SNTG1: variants seen among roughly 807,000 people sequenced by gnomAD.
The protein encoded by SNTG1 is syntrophin gamma 1.
SNTG1 carries 39 observed loss-of-function variants against 74.7 expected under a neutral mutation model. The ratio of observed to expected loss-of-function variants is 0.52; its 90% CI spans 0.40 to 0.68. The LOEUF is 0.68. Ranked by LOEUF, SNTG1 falls within the 30% of genes least tolerant of loss-of-function variation. SNTG1 has a pLI of 0.00. For missense variants in SNTG1, 685 were observed against 609.5 expected (o/e 1.12, Z -1.30); for synonymous variants, 254 against 217.1 (o/e 1.17, Z -1.49).
Position 50,503,775 on chromosome 8 carries a change from T to A in SNTG1, c.466+895T>A, listed in dbSNP as rs531983587. On this transcript the variant is annotated intron_variant, in intron 9 of 18. Transcript: ENST00000642720. ...TGAATGTACTACATTTATTAATGCA[T>A]CTTTCTGTTGAAGATACCAGCACTG... is the stretch of plus-strand genomic sequence containing the variant. Among the ~76,000 whole-genome samples, 3 of 152,342 alleles carry A rather than the reference T, an allele frequency of 2.0e-5. No individual in the cohort carries two copies. The South Asian group carries it at 6.2e-4, about 32-fold the overall frequency.
intron 1 of SNTG1, among the ~76,000 whole-genome samples, chr8:49,925,268 G>T (rs1003426781): frequency 2.0e-5 from 3 of 152,092 alleles, no homozygotes; most frequent in South Asian, 4.1e-4. Flanking sequence ...CTGAAAGAAG[G>T]TTGCAGACAT....
intron 8 of SNTG1, among the ~76,000 whole-genome samples, chr8:50,488,786 T>A (rs987797884): frequency 6.6e-6 from 1 of 152,208 alleles, no homozygotes; most frequent in African/African-American, 2.4e-5. Context: ...ATGTAGTCTT[T>A]TTTTATTACA....
intron 12 of SNTG1, among the ~76,000 whole-genome samples, chr8:50,584,807 A>G (rs2094636582): frequency 1.3e-5 from 2 of 152,140 alleles, no homozygotes; most frequent in African/African-American, 4.8e-5. Flanking sequence ...TCTGGCACCG[A>G]CCACAACTGT....
intron 16 of SNTG1, among the ~76,000 whole-genome samples, chr8:50,705,392 A>G (rs906555113): frequency 6.6e-6 from 1 of 152,232 alleles, no homozygotes; most frequent in African/African-American, 2.4e-5. Flanking sequence ...AAGCAATTAC[A>G]TTTTTACATG....
intron 2 of SNTG1, among the ~76,000 whole-genome samples, chr8:50,179,024 TAA>T (rs760021235): frequency 6.6e-6 from 1 of 152,198 alleles, no homozygotes; most frequent in Non-Finnish European, 1.5e-5. Context: ...GTGTGTTGTA[TAA>T]GAGTCCAGTT....
At chr8:50,353,652 G>A (rs898854768) in intron 2 of SNTG1, among the ~76,000 whole-genome samples, 2 of 152,112 alleles carry the variant, frequency 1.3e-5, no homozygotes, top group Non-Finnish European at 2.9e-5. Context: ...TTTGAGCTAC[G>A]TTGAGCCTGT....
intron 2 of SNTG1, among the ~76,000 whole-genome samples, chr8:50,353,242 C>T (rs936807364): frequency 9.3e-6 from 1 of 107,740 alleles, no homozygotes; most frequent in Non-Finnish European, 1.7e-5. Context: ...ACATCACACA[C>T]TGGGGCCTGT....
chr8:50,602,818 A>G (rs1053188814), intron 13 of SNTG1, among the ~76,000 whole-genome samples: 3 of 151,836 alleles, frequency 2.0e-5, no homozygotes, highest in African/African-American at 7.3e-5. Context: ...CGCTTTAAAC[A>G]TGCTGTGCTA....
intron 2 of SNTG1, among the ~76,000 whole-genome samples, chr8:50,175,802 T>C (rs1339937715): frequency 1.3e-5 from 2 of 152,214 alleles, no homozygotes; most frequent in Non-Finnish European, 2.9e-5. Context: ...AATATTTTGT[T>C]ATTTTTTAAA....
intron 9 of SNTG1, 22 bp from the exon 10 acceptor site, chr8:50,530,155 G>C (rs755412122): frequency 1.2e-6 from 2 of 1,608,182 alleles, no homozygotes; most frequent in East Asian, 4.5e-5. Context: ...CCAGTGGAAT[G>C]TTATGATTTT....
At chr8:50,505,226 C>G (rs1249332152) in intron 9 of SNTG1, among the ~76,000 whole-genome samples, 2 of 152,096 alleles carry the variant, frequency 1.3e-5, no homozygotes, top group African/African-American at 4.8e-5. Flanking sequence ...ATTCTTTATT[C>G]AGCCCTCAAA....
At chr8:50,017,652 T>C (rs995539375) in intron 1 of SNTG1, among the ~76,000 whole-genome samples, 4 of 151,694 alleles carry the variant, frequency 2.6e-5, no homozygotes, top group Non-Finnish European at 5.9e-5. Flanking sequence ...TAAGATAAAA[T>C]GTTATAAGAG....
intron 1 of SNTG1, among the ~76,000 whole-genome samples, chr8:49,934,256 T>C (rs2129361254): frequency 6.6e-6 from 1 of 152,068 alleles, no homozygotes; most frequent in Admixed American, 6.6e-5. Flanking sequence ...CATGATCACC[T>C]CTCCTGGTCA....
At chr8:50,146,727 T>A (rs563886802) in intron 1 of SNTG1, among the ~76,000 whole-genome samples, 34 of 152,222 alleles carry the variant, frequency 2.2e-4, no homozygotes, top group Non-Finnish European at 4.8e-4. Context: ...AGAGTTTTGT[T>A]TAATTTTAGA....
chr8:50,222,731 C>T (rs865780316), intron 2 of SNTG1, among the ~76,000 whole-genome samples: 10 of 152,228 alleles, frequency 6.6e-5, no homozygotes, highest in Middle Eastern at 6.8e-3. Flanking sequence ...CAGACAGACC[C>T]TCAGCGGGGA....
chr8:49,915,569 G>A (rs192815989), intron 1 of SNTG1, among the ~76,000 whole-genome samples: 3 of 152,204 alleles, frequency 2.0e-5, no homozygotes, highest in Admixed American at 1.3e-4. Flanking sequence ...TATATCAATT[G>A]GACAAACTTA....
chr8:50,284,992 C>A (rs564867464), intron 2 of SNTG1, among the ~76,000 whole-genome samples: 131 of 152,106 alleles, frequency 8.6e-4, no homozygotes, highest in Middle Eastern at 3.4e-3. Flanking sequence ...TTCAGATGGG[C>A]AAGTTCTCCT....
chr8:50,198,233 A>G (rs1001668270), intron 2 of SNTG1, among the ~76,000 whole-genome samples: 15 of 152,162 alleles, frequency 9.9e-5, no homozygotes, highest in Non-Finnish European at 1.2e-4. Context: ...TCCAGCTGGG[A>G]GAAAGCAGTC....
chr8:50,607,026 TG>T (rs1421587545), intron 13 of SNTG1, among the ~76,000 whole-genome samples: 1 of 151,934 alleles, frequency 6.6e-6, no homozygotes, highest in Non-Finnish European at 1.5e-5. Context: ...TGAGAGACAT[TG>T]ATATGCAGAT....
Sources: allele counts gnomAD v4.1 joint callset (sites outside exome capture counted in the v4.1 genomes callset), GRCh38; gene constraint gnomAD v4.1.1; transcripts MANE v1.5; gene names NCBI Gene and HGNC (gene_info 2026-07-23, HGNC 2026-07-21).